Variants in DSCAML1 observed in about 807,000 individuals in gnomAD.
DSCAML1 encodes the protein DS cell adhesion molecule like 1.
A neutral mutation model predicts 200.5 loss-of-function variants in DSCAML1; 38 were observed. The ratio of observed to expected loss-of-function variants is 0.19; its 90% CI spans 0.15 to 0.25. DSCAML1 has a LOEUF of 0.25. DSCAML1 is among the 10% of genes least tolerant of loss of function. The probability of loss-of-function intolerance (pLI) is 1.00; values close to 1 mark genes in which losing one functional copy is unlikely to be tolerated. For synonymous variants in DSCAML1, 1,215 were observed against 1,165.0 expected (o/e 1.04, Z -0.87); for missense variants, 2,223 against 2,858.8 (o/e 0.78, Z 5.07).
At chr11:117,796,451 C>A (rs566960342) in intron 1 of DSCAML1, among the ~76,000 whole-genome samples, 6 of 152,224 alleles carry the variant, frequency 3.9e-5, no homozygotes, top group Non-Finnish European at 8.8e-5. Flanking sequence ...AACAAACTTG[C>A]TATCCGAGGG....
Position 117,518,577 on chromosome 11 carries a change from T to C in DSCAML1, c.1399A>G (p.Ile467Val), listed in dbSNP as rs775392505. ...NQYTMSDGTT[I>V]SHMNVTGPQI... Reference sequence around the variant, plus strand: ...GGGCCTGTGACGTTCATGTGGCTGATGGTGGTGCCGTCCGACATGGTGTAC... The same window carrying C: ...GGGCCTGTGACGTTCATGTGGCTGACGGTGGTGCCGTCCGACATGGTGTAC... Residue 467 changes from isoleucine to valine, a missense_variant, in exon 7 of 33, where the codon ATC becomes GTC. Ile to Val is a conservative substitution (Grantham distance 29). Transcript: ENST00000651296. The surrounding 1 kb of genome is among the most constrained non-coding windows in gnomAD (Gnocchi z 6.3). 2 of 1,614,094 alleles carry C rather than the reference T, an allele frequency of 1.2e-6. No homozygotes were observed. The highest frequency in any genetic ancestry group is 1.1e-5 in the South Asian group (1 of 91,076).
chr11:117,731,071 G>A (rs982517405), intron 3 of DSCAML1, among the ~76,000 whole-genome samples: 4 of 152,126 alleles, frequency 2.6e-5, no homozygotes, highest in Admixed American at 6.5e-5. Context: ...ATTGATTGTG[G>A]TGATGGCTAT....
intron 3 of DSCAML1, among the ~76,000 whole-genome samples, chr11:117,543,149 C>T (rs678468): frequency 0.5 from 75,520 of 151,964 alleles, 20,251 homozygotes; most frequent in East Asian, 0.64. Flanking sequence ...CAGGCTAGTG[C>T]AGAGTGAAGT....
At chr11:117,727,280 C>T (rs10790202) in intron 3 of DSCAML1, among the ~76,000 whole-genome samples, 2 of 152,022 alleles carry the variant, frequency 1.3e-5, no homozygotes, top group African/African-American at 2.4e-5. Context: ...TAATTAGTCC[C>T]GTGAATCACT....
chr11:117,649,746 G>T (rs1217524405), intron 3 of DSCAML1, among the ~76,000 whole-genome samples: 1 of 152,156 alleles, frequency 6.6e-6, no homozygotes, highest in Non-Finnish European at 1.5e-5. Context: ...GGAATTCCTT[G>T]GTCCTAAACC....
Position 117,540,311 on chromosome 11 carries a change from A to G in DSCAML1, c.512-7789T>C, listed in dbSNP as rs552726398. 2.0e-5 allele frequency among the ~76,000 whole-genome samples: 3 copies of G among 152,210 alleles called. No individual in the cohort carries two copies. In the East Asian group the frequency reaches 5.8e-4, roughly 29 times the overall value. On this transcript the variant is annotated intron_variant, in intron 3 of 32. Transcript: ENST00000651296. ...CACAGGAGTGCGAACCCTATTGTGA[A>G]CTGTGCCTGCGAGGGATCTAGGTTG...
At chr11:117,491,672 G>A (rs1486726932) in intron 11 of DSCAML1, among the ~76,000 whole-genome samples, 2 of 152,198 alleles carry the variant, frequency 1.3e-5, no homozygotes, top group Admixed American at 6.5e-5. Context: ...TCCTCGGGAG[G>A]CTGAGGTGGG....
chr11:117,803,063 T>C (rs764337230), intron 1 of DSCAML1, among the ~76,000 whole-genome samples: 1 of 137,028 alleles, frequency 7.3e-6, no homozygotes, highest in Non-Finnish European at 1.6e-5. Context: ...GGTGAACATT[T>C]TGGGGGGATC....
rs1307210199 is a variant in DSCAML1, at chr11:117,504,150, C to T, written c.2183-129G>A. On this transcript the variant is annotated intron_variant, in intron 10 of 32. Coordinates refer to ENST00000651296, the MANE Select transcript of DSCAML1 (RefSeq NM_020693.4). This position sits in a 1 kb window ranked among gnomAD's most constrained non-coding sequence, Gnocchi z 5.0. Reference sequence around the variant, plus strand: ...TTTTGTAGCAGAGCTGCACCATCCCCAAAGTGCTGAGGCCACATGGCTCCT... The same window carrying T: ...TTTTGTAGCAGAGCTGCACCATCCCTAAAGTGCTGAGGCCACATGGCTCCT... The T allele has an allele frequency of 3.5e-6, 4 of 1,130,814 alleles. No homozygotes were observed. The highest frequency in any genetic ancestry group is 5.0e-6 in the Non-Finnish European group (4 of 803,142). The allele number at this position is 1,130,814 out of a possible 1,614,324, so 70.0% of individuals were successfully genotyped here. A position where few individuals can be genotyped will look rare whatever the true frequency, so the allele number is the denominator to read the frequency against.
rs1047821142 is a variant in DSCAML1, at chr11:117,480,387, C to T, written c.2785+56G>A. 60 of 1,604,248 alleles carry T rather than the reference C, an allele frequency of 3.7e-5. No homozygotes were observed. The highest frequency in any genetic ancestry group is 3.3e-4 in the Middle Eastern group (2 of 6,052). ...CCTCCCAGAGGGCACAGGCAGGACACGTGGCACAAGGGGCCATGGCAGGCC... is the reference window on the plus strand; with the variant it reads ...CCTCCCAGAGGGCACAGGCAGGACATGTGGCACAAGGGGCCATGGCAGGCC... On this transcript the variant is annotated intron_variant, in intron 14 of 32. Transcript: ENST00000651296. The surrounding 1 kb of genome is among the most constrained non-coding windows in gnomAD (Gnocchi z 4.1).
intron 3 of DSCAML1, among the ~76,000 whole-genome samples, chr11:117,701,413 C>T (rs1402303924): frequency 6.6e-6 from 1 of 152,152 alleles, no homozygotes; most frequent in Non-Finnish European, 1.5e-5. Context: ...AGAAAAACAG[C>T]CTTTGAGAAC....
chr11:117,588,730 T>C (rs2051200008), intron 3 of DSCAML1, among the ~76,000 whole-genome samples: 1 of 152,056 alleles, frequency 6.6e-6, no homozygotes, highest in Non-Finnish European at 1.5e-5. Context: ...GTGGGGCCAG[T>C]GGGGCAGACT....
chr11:117,670,118 T>C (rs1294808182), intron 3 of DSCAML1, among the ~76,000 whole-genome samples: 1 of 152,244 alleles, frequency 6.6e-6, no homozygotes, highest in Non-Finnish European at 1.5e-5. Context: ...AAGTACACTG[T>C]GTATACCTCA....
intron 3 of DSCAML1, among the ~76,000 whole-genome samples, chr11:117,654,725 C>T (rs2137628808): frequency 6.6e-6 from 1 of 152,260 alleles, no homozygotes; most frequent in Admixed American, 6.5e-5. Context: ...AGAGATCAAT[C>T]CAGAACACAG....
At chr11:117,446,393 AC>A (rs1321876877) in intron 20 of DSCAML1, among the ~76,000 whole-genome samples, 1 of 152,022 alleles carries the variant, frequency 6.6e-6, no homozygotes, top group Non-Finnish European at 1.5e-5. Context: ...AAAACAAAAA[AC>A]CAGAATCAAT....
Position 117,498,684 on chromosome 11 carries a change from C to T in DSCAML1, c.2359+5161G>A, listed in dbSNP as rs1316436792. On this transcript the variant is annotated intron_variant, in intron 11 of 32. Transcript: ENST00000651296. This position sits in a 1 kb window ranked among gnomAD's most constrained non-coding sequence, Gnocchi z 4.0. ...CAATCATGGTGGGTGACCTGGTCCA[C>T]GGAGGCCCGAGGGCTTCCTTTGCTA... Among the ~76,000 whole-genome samples, 2 of 152,166 alleles carry T rather than the reference C, an allele frequency of 1.3e-5. No individual in the cohort carries two copies. The highest frequency in any genetic ancestry group is 1.9e-4 in the East Asian group (1 of 5,194).
intron 3 of DSCAML1, among the ~76,000 whole-genome samples, chr11:117,593,946 C>T (rs2051312319): frequency 6.6e-6 from 1 of 152,056 alleles, no homozygotes; most frequent in Non-Finnish European, 1.5e-5. Flanking sequence ...ATCTCCTGAC[C>T]TCGTGATCCG....
Position 117,796,885 on chromosome 11 carries a change from C to T in DSCAML1, c.46+149G>A, listed in dbSNP as rs559082224. ...TCTCACTCGGCCCCTGTCAGGGTGC[C>T]TGCCCCTCCCCGCTGCGCCCCACCC... On this transcript the variant is annotated intron_variant, in intron 1 of 32. Coordinates refer to ENST00000651296, the MANE Select transcript of DSCAML1 (RefSeq NM_020693.4). 8.2e-3 allele frequency: 3,909 copies of T among 476,944 alleles called. 19 individuals carry two copies. The highest frequency in any genetic ancestry group is 9.9e-3 in the Non-Finnish European group (2,997 of 303,106). 29.5% of individuals were successfully genotyped at this position (476,944 alleles called of 1,614,324 possible).
chr11:117,588,912 A>G (rs1291412738), intron 3 of DSCAML1, among the ~76,000 whole-genome samples: 1 of 151,996 alleles, frequency 6.6e-6, no homozygotes, highest in Non-Finnish European at 1.5e-5. Flanking sequence ...CATCAGTCTG[A>G]TTCAGCGCCT....
Sources: gnomAD v4.1 joint callset for allele counts (sites outside exome capture counted in the v4.1 genomes callset) on GRCh38, gnomAD v4.1.1 for gene constraint, Gnocchi (gnomAD v3.1) non-coding constraint, MANE v1.5 for transcripts, NCBI Gene and HGNC (gene_info 2026-07-23, HGNC 2026-07-21) for gene names.